Variants in PCDHA7 observed in about 807,000 individuals in gnomAD.
PCDHA7 encodes the protein protocadherin alpha-7.
Under a neutral mutation model 57.2 loss-of-function variants are expected in PCDHA7, and 37 were observed. The observed-to-expected ratio is 0.65, with a 90% CI of 0.50 to 0.85. PCDHA7 has a LOEUF of 0.85. Among genes scored for constraint, PCDHA7 ranks in the 40% least tolerant of loss-of-function variants. The probability of loss-of-function intolerance (pLI) is 0.00; values close to 1 mark genes in which losing one functional copy is unlikely to be tolerated. For missense variants in PCDHA7, 1,188 were observed against 1,241.8 expected (o/e 0.96, Z 0.65); for synonymous variants, 553 against 558.8 (o/e 0.99, Z 0.15).
At chr5:140,955,477 C>T (rs1401684156) in intron 1 of PCDHA7, among the ~76,000 whole-genome samples, 2 of 152,128 alleles carry the variant, frequency 1.3e-5, no homozygotes, top group African/African-American at 4.8e-5. Context: ...CTTGGCACCT[C>T]TCCTTCCTGC....
Position 140,910,294 on chromosome 5 carries a change from A to C in PCDHA7, c.2356-68655A>C, listed in dbSNP as rs146332329. Among the ~76,000 whole-genome samples, 1,310 of 151,558 alleles carry C rather than the reference A, an allele frequency of 8.6e-3. 14 individuals carry two copies. The highest frequency in any genetic ancestry group is 0.03 in the African/African-American group (1,252 of 41,252). ...TCTAGGAACACCATGATTAATCAAC[A>C]GATGCCAGAGATCTACATGAGTCAG... On this transcript the variant is annotated intron_variant, in intron 1 of 3. Transcript: ENST00000525929.
At chr5:140,877,417 G>T (rs782190793) in intron 1 of PCDHA7, 5 of 1,613,822 alleles carry the variant, frequency 3.1e-6, no homozygotes, top group Admixed American at 1.7e-5. Context: ...CCGCCTGCTG[G>T]TGCTGGTGAA....
intron 3 of PCDHA7, among the ~76,000 whole-genome samples, chr5:140,988,459 G>A (rs1554250155): frequency 6.6e-6 from 1 of 152,152 alleles, no homozygotes; most frequent in Admixed American, 6.5e-5. Context: ...AGGAAGCAAG[G>A]GTGTGGGAAG....
intron 1 of PCDHA7, chr5:140,869,287 C>G (rs782369184): frequency 6.2e-7 from 1 of 1,613,538 alleles, no homozygotes; most frequent in South Asian, 1.1e-5. Flanking sequence ...GCTGGTGCAG[C>G]GCCTGTTCCG....
chr5:140,906,303 A>G (rs1195275228), intron 1 of PCDHA7, among the ~76,000 whole-genome samples: 5 of 152,220 alleles, frequency 3.3e-5, no homozygotes, highest in Non-Finnish European at 7.3e-5. Flanking sequence ...ATAAGGTCAT[A>G]ATTATTCCCA....
At chr5:140,895,207 T>C (rs1392562241) in intron 1 of PCDHA7, among the ~76,000 whole-genome samples, 2 of 152,208 alleles carry the variant, frequency 1.3e-5, no homozygotes, top group Non-Finnish European at 2.9e-5. Context: ...TTTGCTTTTA[T>C]TTCTAATATT....
rs370831122 is a variant in PCDHA7, at chr5:140,966,962, G to C, written c.2356-11987G>C. On this transcript the variant is annotated intron_variant, in intron 1 of 3. Transcript: ENST00000525929. ...CGTGGGCAACGTGGCTCGCGCGCTG[G>C]GGCTTGAGCTGCGGCGCTTGGGGCC... The C allele has an allele frequency of 1.3e-5, 21 of 1,602,632 alleles. No individual in the cohort carries two copies. Among genetic ancestry groups the C allele is most frequent in the Admixed American group, 3.3e-5 (2 of 59,750 alleles).
chr5:140,876,075 C>G, intron 1 of PCDHA7: 1 of 1,613,908 alleles, frequency 6.2e-7, no homozygotes, highest in Non-Finnish European at 8.5e-7. Context: ...AGTTATTGGA[C>G]AGAGAGCAAA....
At chr5:140,969,819 A>G (rs2096362307) in intron 1 of PCDHA7, among the ~76,000 whole-genome samples, 1 of 152,168 alleles carries the variant, frequency 6.6e-6, no homozygotes, top group African/African-American at 2.4e-5. Context: ...TATACTCTGG[A>G]CTGTCTACAG....
intron 3 of PCDHA7, among the ~76,000 whole-genome samples, chr5:141,007,690 C>T (rs2098341020): frequency 6.6e-6 from 1 of 152,224 alleles, no homozygotes; most frequent in Non-Finnish European, 1.5e-5. Flanking sequence ...CCTACTTCCA[C>T]CTCCCTCCTC....
chr5:140,849,738 C>T (rs1562459111), intron 1 of PCDHA7: 4 of 1,598,360 alleles, frequency 2.5e-6, no homozygotes, highest in East Asian at 2.2e-5. Flanking sequence ...AGCTCTGGAC[C>T]GCGAGAGTGT....
At chr5:140,997,837 T>G (rs1414415987) in intron 3 of PCDHA7, among the ~76,000 whole-genome samples, 2 of 152,222 alleles carry the variant, frequency 1.3e-5, no homozygotes, top group African/African-American at 4.8e-5. Context: ...AACAATACAA[T>G]ATACATTCTT....
At chr5:140,875,447 C>G (rs532829491) in intron 1 of PCDHA7, 1 of 1,584,206 alleles carries the variant, frequency 6.3e-7, no homozygotes, top group African/African-American at 1.4e-5. Flanking sequence ...CTGATTGTCC[C>G]AACTCAGAGG....
intron 1 of PCDHA7, among the ~76,000 whole-genome samples, chr5:140,958,548 A>C (rs185504563): frequency 6.6e-6 from 1 of 152,180 alleles, no homozygotes; most frequent in African/African-American, 2.4e-5. Context: ...TTATGAACCA[A>C]TAAATGTTTC....
intron 1 of PCDHA7, among the ~76,000 whole-genome samples, chr5:140,934,025 A>C (rs190533956): frequency 1.2e-3 from 183 of 152,100 alleles, no homozygotes; most frequent in Non-Finnish European, 2.2e-3. Flanking sequence ...ACTTGGAAGT[A>C]GTTTATTAAT....
intron 1 of PCDHA7, among the ~76,000 whole-genome samples, chr5:140,953,761 A>C (rs1016551787): frequency 6.6e-6 from 1 of 152,202 alleles, no homozygotes; most frequent in Non-Finnish European, 1.5e-5. Flanking sequence ...TCCAAGAATT[A>C]AATTTAATAT....
chr5:140,942,846 A>C (rs1239885134), intron 1 of PCDHA7, among the ~76,000 whole-genome samples: 1 of 152,312 alleles, frequency 6.6e-6, no homozygotes, highest in East Asian at 1.9e-4. Flanking sequence ...AAATTCCAGT[A>C]AGATGATTAT....
chr5:140,962,764 T>C (rs946789298), intron 1 of PCDHA7, among the ~76,000 whole-genome samples: 7 of 152,226 alleles, frequency 4.6e-5, no homozygotes, highest in African/African-American at 1.7e-4. Flanking sequence ...TATTCGTTTT[T>C]AACAAGATGG....
chr5:140,839,624 T>C (rs1776330895), intron 1 of PCDHA7, among the ~76,000 whole-genome samples: 1 of 152,036 alleles, frequency 6.6e-6, no homozygotes, highest in South Asian at 2.1e-4. Context: ...TCCTGAGATA[T>C]CGAGAAATAC....
Sources: gnomAD v4.1 joint callset for allele counts (sites outside exome capture counted in the v4.1 genomes callset) on GRCh38, gnomAD v4.1.1 for gene constraint, MANE v1.5 for transcripts, NCBI Gene and HGNC (gene_info 2026-07-23, HGNC 2026-07-21) for gene names.